The following ERG variants were observed in gnomAD, a reference collection of about 807,000 sequenced individuals.
The protein encoded by ERG is ETS transcription factor ERG, also known as transcriptional regulator ERG.
ERG carries 9 observed loss-of-function variants against 55.3 expected under a neutral mutation model. The observed-to-expected ratio is 0.16, with a 90% CI of 0.10 to 0.28. The LOEUF is 0.28. ERG is among the 10% of genes least tolerant of loss of function. The probability of loss-of-function intolerance (pLI) is 1.00; values close to 1 mark genes in which losing one functional copy is unlikely to be tolerated. For missense variants in ERG, 434 were observed against 631.6 expected, an observed-to-expected ratio of 0.69 and a Z score of 3.35; for synonymous variants, 223 against 237.3, an observed-to-expected ratio of 0.94 and a Z score of 0.55.
intron 1 of ERG, among the ~76,000 whole-genome samples, chr21:38,452,893 C>T (rs1483442391): frequency 6.6e-6 from 1 of 152,242 alleles, no homozygotes; most frequent in African/African-American, 2.4e-5. Context: ...TCAGGGCTGG[C>T]TCCTCTGTAT....
At position 38,652,303 on chromosome 21, in the gene ERG, C is replaced by T. The variant is rs1601357089; in HGVS notation, c.-150+9355G>A. Among the ~76,000 whole-genome samples, 6 of 152,278 alleles carry T rather than the reference C, an allele frequency of 3.9e-5. No homozygotes were observed. In the South Asian group the frequency reaches 1.0e-3, roughly 26 times the overall value. ...GGCACAGCTCAAGGGCCTCAGCCTC[C>T]GGGTAGCATGCTCTGATCCTCTGAT... On this transcript the variant is annotated intron_variant, in intron 1 of 10. Coordinates refer to the ERG transcript ENST00000398910.
At chr21:38,438,947 T>G (rs2058815987) in intron 2 of ERG, among the ~76,000 whole-genome samples, 1 of 152,198 alleles carries the variant, frequency 6.6e-6, no homozygotes, top group Admixed American at 6.5e-5. Context: ...AGAAGCCGCA[T>G]CTCAAACAAG....
intron 1 of ERG, among the ~76,000 whole-genome samples, chr21:38,488,113 T>G (rs946924626): frequency 6.6e-6 from 1 of 152,158 alleles, no homozygotes; most frequent in Non-Finnish European, 1.5e-5. Context: ...CCCTTCGCAA[T>G]GCACTGTCCC....
chr21:38,422,516 T>A (rs1444358595), intron 3 of ERG, among the ~76,000 whole-genome samples: 1 of 152,238 alleles, frequency 6.6e-6, no homozygotes, highest in Admixed American at 6.5e-5. Flanking sequence ...TTGCTTGAGA[T>A]CACGTTTCTA....
At chr21:38,408,819 A>G (rs975288991) in intron 3 of ERG, among the ~76,000 whole-genome samples, 4 of 152,120 alleles carry the variant, frequency 2.6e-5, no homozygotes, top group African/African-American at 9.7e-5. Context: ...TGTAGGAGGA[A>G]GGGGAGGGGA....
At position 38,432,760 on chromosome 21, in the gene ERG, G is replaced by A. The variant is rs973290366; in HGVS notation, c.237-9199C>T. ...TGGATAACTTGCCCAAGATCACACA[G>A]CCAGTAGTGGAAGAATTGGGATTTG... On this transcript the variant is annotated intron_variant, in intron 2 of 9. Coordinates refer to ENST00000288319, the MANE Select transcript of ERG (RefSeq NM_182918.4). Among the ~76,000 whole-genome samples the A allele has an allele frequency of 1.4e-4, 22 of 152,302 alleles. No homozygotes were observed. The East Asian group carries it at 4.1e-3, about 28-fold the overall frequency.
At chr21:38,640,080 G>A (rs2060414364) in intron 1 of ERG, among the ~76,000 whole-genome samples, 1 of 151,860 alleles carries the variant, frequency 6.6e-6, no homozygotes. Flanking sequence ...GGAGTTTAAG[G>A]GAGTCTTATT....
chr21:38,497,111 C>A (rs1288386406), intron 1 of ERG, among the ~76,000 whole-genome samples: 1 of 152,172 alleles, frequency 6.6e-6, no homozygotes, highest in African/African-American at 2.4e-5. Context: ...GGTGAAAGTT[C>A]TTGGTACACA....
intron 1 of ERG, among the ~76,000 whole-genome samples, chr21:38,642,316 A>C (rs2060430094): frequency 2.0e-5 from 3 of 152,390 alleles, no homozygotes; most frequent in Admixed American, 2.0e-4. Flanking sequence ...GTGCAGAAAG[A>C]TTTAATTTAA....
intron 1 of ERG, among the ~76,000 whole-genome samples, chr21:38,484,174 A>G (rs552679615): frequency 9.8e-5 from 15 of 152,302 alleles, no homozygotes; most frequent in Non-Finnish European, 2.2e-4. Flanking sequence ...TGTGTTGCCC[A>G]GGCTGGTCGT....
chr21:38,620,718 T>C (rs1300790105), intron 1 of ERG, among the ~76,000 whole-genome samples: 1 of 152,232 alleles, frequency 6.6e-6, no homozygotes, highest in African/African-American at 2.4e-5. Flanking sequence ...CATTCACTAT[T>C]GCCCAAGGAC....
At chr21:38,494,966 G>C (rs369308163) in intron 1 of ERG, among the ~76,000 whole-genome samples, 2 of 152,222 alleles carry the variant, frequency 1.3e-5, no homozygotes, top group African/African-American at 4.8e-5. Context: ...CAAACACTCA[G>C]AGCATGCTCT....
At chr21:38,636,744 A>T (rs462507) in intron 1 of ERG, among the ~76,000 whole-genome samples, 54,077 of 152,036 alleles carry the variant, frequency 0.36, 10,663 homozygotes, top group East Asian at 0.65. Context: ...TCCGTTCCCA[A>T]CCCTGCGGCC....
chr21:38,601,542 T>C (rs1388707411), intron 1 of ERG, among the ~76,000 whole-genome samples: 2 of 152,320 alleles, frequency 1.3e-5, no homozygotes, highest in East Asian at 3.9e-4. Context: ...AAGGTGAAGA[T>C]TGGAATCACA....
At chr21:38,634,490 T>G (rs1184177744) in intron 1 of ERG, among the ~76,000 whole-genome samples, 1 of 152,214 alleles carries the variant, frequency 6.6e-6, no homozygotes, top group Non-Finnish European at 1.5e-5. Context: ...AACTTCTAAC[T>G]AGACCCCAAA....
chr21:38,593,126 C>T (rs1380358768), intron 1 of ERG, among the ~76,000 whole-genome samples: 1 of 152,180 alleles, frequency 6.6e-6, no homozygotes, highest in Non-Finnish European at 1.5e-5. Flanking sequence ...GAGGTGGCTG[C>T]CAGCTTCCAC....
chr21:38,380,457 C>A lies in ERG; in HGVS notation c.*2946G>T. The A allele has an allele frequency of 9.4e-7, 1 of 1,064,508 alleles. No individual in the cohort carries two copies. Among genetic ancestry groups the A allele is most frequent in the Non-Finnish European group, 1.1e-6 (1 of 878,834 alleles). 65.9% of individuals were successfully genotyped at this position (1,064,508 alleles called of 1,614,324 possible). A position where few individuals can be genotyped will look rare whatever the true frequency, so the allele number is the denominator to read the frequency against. ...TTTGGTGATTTTACCACATACAAGG[C>A]CCGAAAGCCAATTGAAGACAAGAAA... On this transcript the variant is annotated 3_prime_UTR_variant, in exon 10 of 10. Transcript: ENST00000288319.
intron 2 of ERG, among the ~76,000 whole-genome samples, chr21:38,563,357 G>A (rs567787729): frequency 4.6e-5 from 7 of 152,216 alleles, no homozygotes; most frequent in Non-Finnish European, 1.0e-4. Flanking sequence ...CACCCATGTG[G>A]GAAAATGTTG....
chr21:38,604,000 G>A (rs9974074), intron 1 of ERG, among the ~76,000 whole-genome samples: 24,686 of 151,942 alleles, frequency 0.16, 2,127 homozygotes, highest in East Asian at 0.29. Context: ...TGTAATCCCA[G>A]CCCTTCAGGG....
Sources: allele counts gnomAD v4.1 joint callset (sites outside exome capture counted in the v4.1 genomes callset), GRCh38; gene constraint gnomAD v4.1.1; transcripts MANE v1.5; gene names NCBI Gene and HGNC (gene_info 2026-07-23, HGNC 2026-07-21).